CCDC9: variants seen among roughly 807,000 people sequenced by gnomAD.
The protein encoded by CCDC9 is coiled-coil domain containing 9.
In CCDC9, 52 loss-of-function variants were observed where a neutral mutation model predicts 65.6. The observed-to-expected ratio is 0.79, with a 90% CI of 0.63 to 1.00. The LOEUF is 1.00. Among genes scored for constraint, CCDC9 ranks in the 50% least tolerant of loss-of-function variants. The pLI is 0.00. For synonymous variants in CCDC9, 332 were observed against 280.3 expected (o/e 1.18, Z -1.84); for missense variants, 834 against 757.2 (o/e 1.10, Z -1.19).
intron 8 of CCDC9, among the ~76,000 whole-genome samples, chr19:47,267,010 G>T (rs1235410868): frequency 2.0e-5 from 3 of 152,086 alleles, no homozygotes; most frequent in Non-Finnish European, 2.9e-5. Flanking sequence ...TGTCGCCCAG[G>T]CTGGAGTGCA....
downstream of CCDC9, chr19:47,275,697 C>G: frequency 3.0e-6 from 1 of 333,816 alleles, no homozygotes; most frequent in Non-Finnish European, 5.8e-6. Context: ...TCGGCTGCCT[C>G]GTGCTGTGTC....
chr19:47,260,761 TGGCCGGAGGGGCCGG>T lies in CCDC9; in HGVS notation c.390_404del (p.Arg131_Arg135del), dbSNP rs775245963. 4.3e-6 allele frequency: 7 copies of T among 1,609,528 alleles called. No homozygotes were observed. The highest frequency in any genetic ancestry group is 2.2e-5 in the East Asian group (1 of 44,770). On this transcript the variant is annotated inframe_deletion, in exon 5 of 12. Transcript: ENST00000221922. ...CTCGAGGAGGAGGAGCTGGGGGCCG[TGGCCGGAGGGGCCGG>T]GGCCGAGGTTCACCTCACCTCTCTG...
chr19:47,266,838 G>A (rs1290834825), intron 8 of CCDC9, 46 bp downstream of exon 8: 3 of 1,562,762 alleles, frequency 1.9e-6, no homozygotes, highest in East Asian at 4.8e-5. Flanking sequence ...CGTTGACCTT[G>A]GCCCTGACTT....
chr19:47,270,832 A>G, intron 10 of CCDC9, 144 bp downstream of exon 10: 1 of 1,034,878 alleles, frequency 9.7e-7, no homozygotes, highest in Non-Finnish European at 1.4e-6. Context: ...CCGTGGTTTG[A>G]GGGGCTTGGG....
intron 5 of CCDC9, among the ~76,000 whole-genome samples, chr19:47,263,520 T>C (rs1345361503): frequency 1.3e-5 from 2 of 152,218 alleles, no homozygotes; most frequent in African/African-American, 2.4e-5. Context: ...AGGTTTTTAA[T>C]TGGGGGCTGG....
intron 1 of CCDC9, among the ~76,000 whole-genome samples, chr19:47,257,285 G>A (rs2059016697): frequency 1.3e-5 from 2 of 151,336 alleles, no homozygotes; most frequent in Admixed American, 1.3e-4. Flanking sequence ...AGGGTTGACT[G>A]GGCAGGCCGG....
At chr19:47,263,355 G>A (rs571040521) in intron 5 of CCDC9, among the ~76,000 whole-genome samples, 2 of 152,048 alleles carry the variant, frequency 1.3e-5, no homozygotes, top group African/African-American at 2.4e-5. Flanking sequence ...ATCAGCAGGG[G>A]GCGGGGTACC....
chr19:47,272,138 A>G (rs924741146), downstream of CCDC9: 1 of 1,236,562 alleles, frequency 8.1e-7, no homozygotes, highest in Non-Finnish European at 1.0e-6. Context: ...GAAGCTGAAG[A>G]GGAAGGGTCT....
At chr19:47,260,023 G>A (rs1390335638) in intron 3 of CCDC9, among the ~76,000 whole-genome samples, 1 of 152,186 alleles carries the variant, frequency 6.6e-6, no homozygotes, top group Non-Finnish European at 1.5e-5. Flanking sequence ...TGTGGGAATA[G>A]CAAGGAAGCC....
chr19:47,265,007 A>G, intron 7 of CCDC9, 61 bp downstream of exon 7: 1 of 1,377,734 alleles, frequency 7.3e-7, no homozygotes, highest in Non-Finnish European at 9.5e-7. Flanking sequence ...ACTGCATAGC[A>G]GGAACCAGAC....
Position 47,264,633 on chromosome 19 carries a change from G to A in CCDC9, c.493G>A (p.Glu165Lys), listed in dbSNP as rs201452989. 12 of 1,603,912 alleles carry A rather than the reference G, an allele frequency of 7.5e-6. No individual in the cohort carries two copies. In the East Asian group the frequency reaches 2.3e-4, roughly 30 times the overall value. ...GGAGGAGCGGCGCAGGCAGAACATT[G>A]AGAAGATGAATGAGGAGATGGAGAA... ...EWEERRRQNI[E>K]KMNEEMEKIA... Residue 165 changes from glutamate (E) to lysine (K), a missense_variant, in exon 6 of 12, where the codon GAG becomes AAG. Physicochemically the swap from Glu to Lys is moderately conservative, Grantham distance 56. Transcript: ENST00000221922.
At chr19:47,257,654 A>C (rs1350660554) in intron 1 of CCDC9, 1 of 152,664 alleles carries the variant, frequency 6.6e-6, no homozygotes, top group East Asian at 1.9e-4. Flanking sequence ...AAGCCTCGCC[A>C]GTGAGTTCTG....
At chr19:47,270,208 A>G (rs2059106262) in intron 8 of CCDC9, among the ~76,000 whole-genome samples, 199 bp from the exon 9 acceptor site, 1 of 151,720 alleles carries the variant, frequency 6.6e-6, no homozygotes, top group South Asian at 2.1e-4. Flanking sequence ...GGCTCAAGCG[A>G]TCTGTCTGCC....
At position 47,271,157 on chromosome 19, in the gene CCDC9, C is replaced by G. The variant is rs147303084; in HGVS notation, c.1161C>G (p.Pro387=). ...PAPETPQPTS[P]ETSPKETPMQ... is the part of the protein sequence containing the mutation. ...CTGAGACTCCACAGCCTACTTCCCC[C>G]GAGACTTCCCCCAAGGAGACACCCA... The change falls in exon 11 of 12, where the codon CCC becomes CCG. Residue 387 remains proline (P), a synonymous_variant. Coordinates refer to ENST00000221922, the MANE Select transcript of CCDC9 (RefSeq NM_015603.3). 2 of 1,592,814 alleles carry G rather than the reference C, an allele frequency of 1.3e-6. No homozygotes were observed. Among genetic ancestry groups the G allele is most frequent in the Non-Finnish European group, 1.7e-6 (2 of 1,171,456 alleles).
At chr19:47,268,136 C>T (rs1007593514) in intron 8 of CCDC9, among the ~76,000 whole-genome samples, 4 of 152,032 alleles carry the variant, frequency 2.6e-5, no homozygotes, top group East Asian at 1.9e-4. Flanking sequence ...TGTGAGCCAC[C>T]GCGCCCGGCA....
In CCDC9 at chr19:47,271,263, T is replaced by C. The variant is rs1303795242; in HGVS notation, c.1192-11T>C. On this transcript the variant is annotated splice_polypyrimidine_tract_variant and intron_variant, in intron 11 of 11. Coordinates refer to ENST00000221922, the MANE Select transcript of CCDC9 (RefSeq NM_015603.3). ...CCTGTGCCTTGCCCTGACTTGCCTGTGTCCCCAAAGCCACCCGAGATCCCA... is the reference window on the plus strand; with the variant it reads ...CCTGTGCCTTGCCCTGACTTGCCTGCGTCCCCAAAGCCACCCGAGATCCCA... 5 of 1,611,384 alleles carry C rather than the reference T, an allele frequency of 3.1e-6. No homozygotes were observed. The highest frequency in any genetic ancestry group is 3.4e-6 in the Non-Finnish European group (4 of 1,178,690).
In CCDC9 at chr19:47,262,865, C is replaced by T. The variant is rs541775678; in HGVS notation, c.463-1738C>T. On this transcript the variant is annotated intron_variant, in intron 5 of 11. Coordinates refer to ENST00000221922, the MANE Select transcript of CCDC9 (RefSeq NM_015603.3). ...ACTTGGGAAGCTAAGGTGGGAGGAT[C>T]GCTTGAGCCCAGGAGTTTGAGACCA... Among the ~76,000 whole-genome samples the T allele has an allele frequency of 1.8e-4, 27 of 152,014 alleles. No homozygotes were observed. In the South Asian group the frequency reaches 4.2e-3, roughly 23 times the overall value.
chr19:47,260,660 A>T lies in CCDC9; in HGVS notation c.283A>T (p.Thr95Ser), dbSNP rs567588231. The change falls in exon 5 of 12, where the codon ACT becomes TCT. Residue 95 changes from threonine to serine, a missense_variant. Coordinates refer to ENST00000221922, the MANE Select transcript of CCDC9 (RefSeq NM_015603.3). ...CCCAGGGGCCAGCAAGGGGGGCCGG[A>T]CTCCTCCACAGCAGGGAGGCCGGGC... ...RPPGASKGGR[T>S]PPQQGGRAGM... is the part of the protein sequence containing the mutation. 119 of 1,529,338 alleles carry T rather than the reference A, an allele frequency of 7.8e-5. 2 individuals carry two copies. In the South Asian group the frequency reaches 1.4e-3, roughly 18 times the overall value. The allele number at this position is 1,529,338 out of a possible 1,614,324, so 94.7% of individuals were successfully genotyped here.
chr19:47,274,872 G>A, downstream of CCDC9: 6 of 1,208,014 alleles, frequency 5.0e-6, no homozygotes, highest in Non-Finnish European at 6.2e-6. Context: ...GGCCTGGTGG[G>A]GGCGGGGCCT....
Sources: allele counts gnomAD v4.1 joint callset (sites outside exome capture counted in the v4.1 genomes callset), GRCh38; gene constraint gnomAD v4.1.1; transcripts MANE v1.5; gene names NCBI Gene and HGNC (gene_info 2026-07-23, HGNC 2026-07-21).